The following NSG2 variants were observed in gnomAD, a reference collection of about 807,000 sequenced individuals.
NSG2 encodes neuronal vesicle trafficking associated 2, also known as neuronal vesicle trafficking-associated protein 2.
A neutral mutation model predicts 16.9 loss-of-function variants in NSG2; 4 were observed. The observed-to-expected ratio is 0.24, with a 90% CI of 0.12 to 0.54. NSG2 has a LOEUF of 0.54. NSG2 is among the 20% of genes least tolerant of loss of function. The pLI, the probability that NSG2 is intolerant of heterozygous loss-of-function variation, is 0.95. For synonymous variants in NSG2, 98 were observed against 88.7 expected, an observed-to-expected ratio of 1.11 and a Z score of -0.59; for missense variants, 179 against 221.1, an observed-to-expected ratio of 0.81 and a Z score of 1.21.
intron 4 of NSG2, among the ~76,000 whole-genome samples, chr5:174,106,325 C>G (rs1398158865): frequency 1.3e-5 from 2 of 152,140 alleles, no homozygotes; most frequent in African/African-American, 4.8e-5. Flanking sequence ...GAACCTAGCT[C>G]TATATCAAGT....
At chr5:174,090,614 A>G (rs915918869) in intron 3 of NSG2, among the ~76,000 whole-genome samples, 5 of 152,218 alleles carry the variant, frequency 3.3e-5, no homozygotes, top group African/African-American at 9.6e-5. Context: ...AGGGGTACCA[A>G]TCTCAGGCTG....
chr5:174,050,064 T>C (rs1759864418), intron 2 of NSG2, among the ~76,000 whole-genome samples: 1 of 152,076 alleles, frequency 6.6e-6, no homozygotes, highest in Admixed American at 6.5e-5. Context: ...GTGTATAGAA[T>C]GGGGACGCTA....
At chr5:174,064,203 C>T (rs1057010754) in intron 2 of NSG2, 29 bp from the exon 3 acceptor site, 3 of 1,481,240 alleles carry the variant, frequency 2.0e-6, no homozygotes, top group Admixed American at 1.8e-5. Context: ...AGTCTCCATG[C>T]ATGCTAACAC....
chr5:174,096,104 T>C (rs1361078442), intron 3 of NSG2, among the ~76,000 whole-genome samples: 1 of 152,244 alleles, frequency 6.6e-6, no homozygotes, highest in African/African-American at 2.4e-5. Context: ...CTCATAGGGC[T>C]GTTGTAAGGT....
intron 3 of NSG2, among the ~76,000 whole-genome samples, chr5:174,088,467 T>C (rs1366738805): frequency 6.6e-6 from 1 of 152,178 alleles, no homozygotes; most frequent in Non-Finnish European, 1.5e-5. Context: ...AACATCATGA[T>C]CACCCTGGTT....
At chr5:174,083,163 G>A (rs749566098) in intron 3 of NSG2, among the ~76,000 whole-genome samples, 8 of 152,076 alleles carry the variant, frequency 5.3e-5, no homozygotes, top group South Asian at 2.1e-4. Flanking sequence ...CCATCACATC[G>A]CTTCTCACCT....
chr5:174,077,977 T>A (rs1220019481), intron 3 of NSG2, among the ~76,000 whole-genome samples: 2 of 152,174 alleles, frequency 1.3e-5, no homozygotes, highest in African/African-American at 2.4e-5. Context: ...TCACAAAAAA[T>A]ATCTGTTGTC....
chr5:174,059,062 G>C (rs1463480333), intron 2 of NSG2, among the ~76,000 whole-genome samples: 1 of 152,326 alleles, frequency 6.6e-6, no homozygotes, highest in East Asian at 1.9e-4. Flanking sequence ...GATTTGAAGA[G>C]AGGGTTATGG....
At position 174,052,095 on chromosome 5, in the gene NSG2, C is replaced by T. The variant is rs1759898339; in HGVS notation, c.129+5211C>T. ...CCTAGGGACAAGGGACAGGTTCAGT[C>T]TCATGCTTGGTCTTCTGATCTCCTC... On this transcript the variant is annotated intron_variant, in intron 2 of 4. Coordinates refer to ENST00000303177, the MANE Select transcript of NSG2 (RefSeq NM_015980.5). Among the ~76,000 whole-genome samples, 5 of 152,310 alleles carry T rather than the reference C, an allele frequency of 3.3e-5. No homozygotes were observed. The South Asian group carries it at 1.0e-3, about 32-fold the overall frequency.
intron 1 of NSG2, chr5:174,046,524 C>T (rs759743636): frequency 2.1e-5 from 11 of 526,328 alleles, no homozygotes; most frequent in Non-Finnish European, 3.4e-5. Context: ...GCTGTTGAAC[C>T]CCATGGGAAG....
chr5:174,065,254 G>C (rs1186192707), intron 3 of NSG2, among the ~76,000 whole-genome samples: 3 of 151,900 alleles, frequency 2.0e-5, no homozygotes, highest in African/African-American at 7.3e-5. Flanking sequence ...AGTGAACCAG[G>C]GAGGCAGAGC....
intron 3 of NSG2, among the ~76,000 whole-genome samples, chr5:174,069,677 G>T (rs144643369): frequency 1.9e-4 from 29 of 151,934 alleles, no homozygotes; most frequent in African/African-American, 4.8e-4. Flanking sequence ...TTAGCTTCCT[G>T]TCTAATTAGC....
At chr5:174,101,340 CA>C (rs1382824960) in intron 3 of NSG2, among the ~76,000 whole-genome samples, 3 of 152,188 alleles carry the variant, frequency 2.0e-5, no homozygotes, top group African/African-American at 2.4e-5. Flanking sequence ...TTAAAGTGAG[CA>C]GTGCAGTGGC....
intron 2 of NSG2, among the ~76,000 whole-genome samples, chr5:174,061,644 G>T (rs772458537): frequency 6.6e-6 from 1 of 151,946 alleles, no homozygotes; most frequent in South Asian, 2.1e-4. Flanking sequence ...TTGCTCTGTC[G>T]CCAGGCTGGA....
intron 3 of NSG2, among the ~76,000 whole-genome samples, chr5:174,099,918 A>C (rs914044283): frequency 1.3e-5 from 2 of 151,892 alleles, no homozygotes; most frequent in Non-Finnish European, 2.9e-5. Context: ...CCATCAGTCC[A>C]TCTCTTCCTC....
chr5:174,102,754 TTTTATTTATTTATTTATTTA>T (rs1176455020), intron 3 of NSG2, among the ~76,000 whole-genome samples: 1 of 90,834 alleles, frequency 1.1e-5, no homozygotes, highest in South Asian at 3.0e-4. Flanking sequence ...GCTTTGTTTT[TTTTATTTATTTATTTATTTA>T]TTTATTTATT....
intron 2 of NSG2, among the ~76,000 whole-genome samples, chr5:174,055,267 C>T (rs1759949366): frequency 6.6e-6 from 1 of 152,148 alleles, no homozygotes; most frequent in Non-Finnish European, 1.5e-5. Context: ...GTGGAGAGCA[C>T]CTCATCTTGC....
At chr5:174,087,527 C>T (rs1226067174) in intron 3 of NSG2, among the ~76,000 whole-genome samples, 1 of 151,982 alleles carries the variant, frequency 6.6e-6, no homozygotes, top group African/African-American at 2.4e-5. Context: ...TGCTTGTAAT[C>T]CCAGCACTTT....
chr5:174,052,522 G>T (rs1323374852), intron 2 of NSG2, among the ~76,000 whole-genome samples: 2 of 152,184 alleles, frequency 1.3e-5, no homozygotes, highest in Admixed American at 6.5e-5. Flanking sequence ...CTACTTGGTA[G>T]CTGAGGAAAT....
Sources: allele counts gnomAD v4.1 joint callset (sites outside exome capture counted in the v4.1 genomes callset), GRCh38; gene constraint gnomAD v4.1.1; transcripts MANE v1.5; gene names NCBI Gene and HGNC (gene_info 2026-07-23, HGNC 2026-07-21).